The following PRIMA1 variants were observed in gnomAD, a reference collection of about 807,000 sequenced individuals.
PRIMA1 encodes the protein proline-rich membrane anchor 1.
PRIMA1 carries 7 observed loss-of-function variants against 17.5 expected under a neutral mutation model. That is an observed-to-expected ratio of 0.40 (90% CI 0.23 to 0.75). The LOEUF (loss-of-function observed/expected upper bound fraction) is 0.75. Among genes scored for constraint, PRIMA1 ranks in the 30% least tolerant of loss-of-function variants. The pLI, the probability that PRIMA1 is intolerant of heterozygous loss-of-function variation, is 0.37. For missense variants in PRIMA1, 200 were observed against 201.8 expected, an observed-to-expected ratio of 0.99 and a Z score of 0.05; for synonymous variants, 97 against 77.9, an observed-to-expected ratio of 1.25 and a Z score of -1.29.
chr14:93,761,793 C>T (rs891718188), intron 3 of PRIMA1, among the ~76,000 whole-genome samples: 1 of 152,198 alleles, frequency 6.6e-6, no homozygotes, highest in Admixed American at 6.5e-5. Flanking sequence ...GAACGGACCT[C>T]ATGACCACCT....
chr14:93,768,518 G>C (rs1884959093), intron 3 of PRIMA1, among the ~76,000 whole-genome samples: 1 of 152,166 alleles, frequency 6.6e-6, no homozygotes, highest in Admixed American at 6.5e-5. Flanking sequence ...AAAGCCCCCA[G>C]GTGTTGTCAA....
chr14:93,755,142 A>G (rs1278159289), intron 3 of PRIMA1, among the ~76,000 whole-genome samples: 2 of 152,184 alleles, frequency 1.3e-5, no homozygotes, highest in African/African-American at 2.4e-5. Flanking sequence ...GAGGCCTAAG[A>G]GTTAGCTCAG....
chr14:93,753,451 C>T (rs998790802), intron 3 of PRIMA1, among the ~76,000 whole-genome samples: 4 of 152,174 alleles, frequency 2.6e-5, no homozygotes, highest in African/African-American at 9.7e-5. Context: ...GCAGATGGTA[C>T]AGGGATAGGG....
At chr14:93,727,811 G>C (rs538111635) in intron 4 of PRIMA1, among the ~76,000 whole-genome samples, 1 of 151,234 alleles carries the variant, frequency 6.6e-6, no homozygotes, top group South Asian at 2.1e-4. Context: ...ACCTTGTCTT[G>C]CTGTCACAAA....
At position 93,765,242 on chromosome 14, in the gene PRIMA1, C is replaced by A. The variant is rs181139069; in HGVS notation, c.229+13934G>T. On this transcript the variant is annotated intron_variant, in intron 3 of 4. Transcript: ENST00000393140. ...GCCCCCTCCCTACTTCCTTTCTCTT[C>A]CAGAGTTGATCTTTCATCATTGTCA... Among the ~76,000 whole-genome samples the A allele has an allele frequency of 1.1e-4, 16 of 152,024 alleles. 1 individual carries two copies. The East Asian group carries it at 3.1e-3, about 29-fold the overall frequency.
chr14:93,785,804 T>C (rs1437854584), intron 2 of PRIMA1, among the ~76,000 whole-genome samples: 1 of 152,154 alleles, frequency 6.6e-6, no homozygotes, highest in Non-Finnish European at 1.5e-5. Context: ...GGGTTCCTTT[T>C]TAAATTGATT....
At chr14:93,725,523 G>C (rs966231849) in intron 4 of PRIMA1, among the ~76,000 whole-genome samples, 1 of 152,200 alleles carries the variant, frequency 6.6e-6, no homozygotes, top group African/African-American at 2.4e-5. Flanking sequence ...GTGCTAAGCG[G>C]CAGATGTCAA....
Position 93,726,596 on chromosome 14 carries a change from AAC to A in PRIMA1, c.360-5052_360-5051del, listed in dbSNP as rs907000076. On this transcript the variant is annotated intron_variant, in intron 4 of 4. Transcript: ENST00000393140. The surrounding 1 kb of genome is among the most constrained non-coding windows in gnomAD (Gnocchi z 4.2). ...CACTATACACATACACATGTACGCA[AAC>A]ACACACATATATAATATACACATAG... Among the ~76,000 whole-genome samples the A allele has an allele frequency of 3.9e-5, 6 of 152,084 alleles. No homozygotes were observed. Among genetic ancestry groups the A allele is most frequent in the South Asian group, 2.1e-4 (1 of 4,804 alleles).
In PRIMA1 at chr14:93,779,204, CG is replaced by C; in HGVS notation, c.200del (p.Pro67ArgfsTer28). 1 of 372,730 alleles carries C rather than the reference CG, an allele frequency of 2.7e-6. No individual in the cohort carries two copies. The highest frequency in any genetic ancestry group is 3.3e-6 in the Non-Finnish European group (1 of 304,558). 23.1% of individuals were successfully genotyped at this position (372,730 alleles called of 1,614,324 possible). A position where few individuals can be genotyped will look rare whatever the true frequency, so the allele number is the denominator to read the frequency against. On this transcript the variant is annotated frameshift_variant, in exon 3 of 5. Coordinates refer to ENST00000393140, the MANE Select transcript of PRIMA1 (RefSeq NM_178013.4). LOFTEE classifies it high-confidence loss of function. Reference sequence around the variant, plus strand: ...GGGCGGAGAGGAGTCTGGGAGGTGGCGGGGGTGGGGGCGGCGGGGGCAGCGG... The same window carrying C: ...GGGCGGAGAGGAGTCTGGGAGGTGGCGGGGTGGGGGCGGCGGGGGCAGCGG... ...PPPLPPPPPP[P>X]PPPRLLSAPA... is the part of the protein sequence containing the mutation.
At chr14:93,753,182 C>A (rs1230769635) in intron 3 of PRIMA1, among the ~76,000 whole-genome samples, 5 of 152,196 alleles carry the variant, frequency 3.3e-5, no homozygotes, top group Non-Finnish European at 7.3e-5. Flanking sequence ...CCAATCCCAG[C>A]CAATTGAAGG....
intron 3 of PRIMA1, among the ~76,000 whole-genome samples, chr14:93,746,240 G>A (rs2076217322): frequency 6.6e-6 from 1 of 152,124 alleles, no homozygotes; most frequent in Admixed American, 6.5e-5. Context: ...TAAGGGAGAT[G>A]CAGAGGAGGT....
intron 2 of PRIMA1, among the ~76,000 whole-genome samples, chr14:93,781,313 T>G (rs1199639771): frequency 6.6e-6 from 1 of 152,216 alleles, no homozygotes; most frequent in African/African-American, 2.4e-5. Flanking sequence ...TCTAGACCGG[T>G]GCCATTGTTA....
chr14:93,747,866 AGT>A (rs140177883), intron 3 of PRIMA1, among the ~76,000 whole-genome samples: 2,053 of 144,938 alleles, frequency 0.014, 19 homozygotes, highest in Non-Finnish European at 0.019. Context: ...AGTGTGTGTG[AGT>A]GGGGACTGAG....
intron 3 of PRIMA1, among the ~76,000 whole-genome samples, chr14:93,755,245 G>A (rs544561967): frequency 5.3e-5 from 8 of 152,306 alleles, no homozygotes; most frequent in Non-Finnish European, 7.3e-5. Context: ...TATGTATCCT[G>A]AGTGCGAGCA....
At chr14:93,745,021 G>C (rs538470833) in intron 3 of PRIMA1, among the ~76,000 whole-genome samples, 1 of 152,152 alleles carries the variant, frequency 6.6e-6, no homozygotes, top group African/African-American at 2.4e-5. Context: ...AGCCCGGGGC[G>C]GGGGTGGGAG....
chr14:93,744,816 G>A (rs2076206584), intron 3 of PRIMA1, among the ~76,000 whole-genome samples: 2 of 152,184 alleles, frequency 1.3e-5, no homozygotes, highest in Admixed American at 6.5e-5. Context: ...CCACAGGTGA[G>A]AGGCACCCGT....
chr14:93,764,361 C>T (rs1260907798), intron 3 of PRIMA1, among the ~76,000 whole-genome samples: 3 of 150,050 alleles, frequency 2.0e-5, no homozygotes, highest in Non-Finnish European at 3.0e-5. Context: ...CTGCCCTGGT[C>T]GGACACCTCT....
intron 3 of PRIMA1, among the ~76,000 whole-genome samples, chr14:93,746,470 G>A (rs917936716): frequency 1.3e-4 from 20 of 152,238 alleles, no homozygotes; most frequent in African/African-American, 4.6e-4. Flanking sequence ...GCCCGGAGGT[G>A]AGTGTGGGCC....
At position 93,721,487 on chromosome 14, in the gene PRIMA1, G is replaced by A. The variant is rs769679879; in HGVS notation, c.419C>T (p.Ser140Leu). ...CACGTCTACTCCTTTGTTGCTCTGC[G>A]AAGCACTCATGGGATACTCAGCAAC... The part of the protein sequence containing the change: ...TSVAEYPMSA[S>L]QSNKGVDVNN... Residue 140 changes from serine (S) to leucine (L), a missense_variant, in exon 5 of 5, where the codon TCG (serine) becomes TTG (leucine). Ser to Leu is a moderately radical substitution (Grantham distance 145). Coordinates refer to ENST00000393140, the MANE Select transcript of PRIMA1 (RefSeq NM_178013.4). 1.4e-5 allele frequency: 23 copies of A among 1,613,864 alleles called. No homozygotes were observed. The East Asian group carries it at 2.9e-4, about 20-fold the overall frequency.
Sources: allele counts gnomAD v4.1 joint callset (sites outside exome capture counted in the v4.1 genomes callset), GRCh38; gene constraint gnomAD v4.1.1; non-coding constraint Gnocchi (gnomAD v3.1); transcripts MANE v1.5; gene names NCBI Gene and HGNC (gene_info 2026-07-23, HGNC 2026-07-21).